Variants in SLC43A2 observed in about 807,000 individuals in gnomAD.
The protein encoded by SLC43A2 is solute carrier family 43 member 2.
In SLC43A2, 38 loss-of-function variants were observed where a neutral mutation model predicts 63.2. The ratio of observed to expected loss-of-function variants is 0.60; its 90% CI spans 0.46 to 0.79. SLC43A2 has a LOEUF of 0.79. Ranked by LOEUF, SLC43A2 falls within the 30% of genes least tolerant of loss-of-function variation. SLC43A2 has a pLI of 0.00. For missense variants in SLC43A2, 644 were observed against 756.2 expected, an observed-to-expected ratio of 0.85 and a Z score of 1.74; for synonymous variants, 322 against 331.0, an observed-to-expected ratio of 0.97 and a Z score of 0.30.
In SLC43A2 at chr17:1,627,837, C is replaced by T. The variant is rs1285987930; in HGVS notation, c.38G>A (p.Trp13Ter). 6.3e-7 allele frequency: 1 copy of T among 1,589,090 alleles called. No individual in the cohort carries two copies. The highest frequency in any genetic ancestry group is 8.6e-7 in the Non-Finnish European group (1 of 1,168,046). ...PTLATAHRRR[W>*]WMACTAVLEN... ...CAGCACGGCCGTGCAGGCCATCCAC[C>T]AGCGGCGCCGATGGGCAGTGGCCAG... Residue 13 changes from tryptophan (W) to a stop codon, truncating the protein, a stop_gained, in exon 2 of 14, where the codon TGG becomes TAG. Coordinates refer to ENST00000301335, the MANE Select transcript of SLC43A2 (RefSeq NM_152346.3). LOFTEE classifies it high-confidence loss of function.
At chr17:1,589,825 TG>T (rs1341661022) in intron 9 of SLC43A2, among the ~76,000 whole-genome samples, 2 of 152,134 alleles carry the variant, frequency 1.3e-5, no homozygotes, top group African/African-American at 2.4e-5. Context: ...TTCACAATCT[TG>T]GCCAGGCTGG....
At chr17:1,600,938 C>G (rs1414435029) in intron 5 of SLC43A2, among the ~76,000 whole-genome samples, 4 of 151,694 alleles carry the variant, frequency 2.6e-5, no homozygotes, top group African/African-American at 9.7e-5. Context: ...AACATTTTAC[C>G]CTTGAGATTT....
At chr17:1,625,991 C>T (rs1011704423) in intron 2 of SLC43A2, among the ~76,000 whole-genome samples, 3 of 130,892 alleles carry the variant, frequency 2.3e-5, no homozygotes, top group East Asian at 2.2e-4. Context: ...CAATTAAATC[C>T]GTGGACATTC....
At chr17:1,595,952 T>G (rs766337564) in intron 5 of SLC43A2, among the ~76,000 whole-genome samples, 1 of 152,202 alleles carries the variant, frequency 6.6e-6, no homozygotes, top group Non-Finnish European at 1.5e-5. Context: ...GCTGCCTGTT[T>G]TGCCCACTTT....
chr17:1,611,387 C>A (rs1429772440), intron 5 of SLC43A2, among the ~76,000 whole-genome samples: 2 of 152,130 alleles, frequency 1.3e-5, no homozygotes, highest in African/African-American at 4.8e-5. Flanking sequence ...GTCATCCCAG[C>A]ACTTTGGGAG....
intron 8 of SLC43A2, 136 bp from the exon 9 acceptor site, chr17:1,591,084 G>A: frequency 8.0e-7 from 1 of 1,247,082 alleles, no homozygotes; most frequent in Non-Finnish European, 1.1e-6. Flanking sequence ...GGTTGGCGCT[G>A]CGGTGGGGTC....
chr17:1,609,913 G>A (rs954019173), intron 5 of SLC43A2, among the ~76,000 whole-genome samples: 11 of 151,682 alleles, frequency 7.3e-5, no homozygotes, highest in African/African-American at 2.7e-4. Context: ...CAGGCTGATA[G>A]AATTTTTTTT....
intron 1 of SLC43A2, 128 bp from the exon 2 acceptor site, chr17:1,628,048 A>G (rs1908853265): frequency 1.0e-6 from 1 of 974,286 alleles, no homozygotes; most frequent in South Asian, 4.9e-5. Context: ...CGGTGCGCGC[A>G]GCAGAGGAAG....
intron 2 of SLC43A2, among the ~76,000 whole-genome samples, chr17:1,620,679 A>G (rs1395482306): frequency 1.3e-5 from 2 of 151,868 alleles, no homozygotes. Context: ...TTGTGGAGCA[A>G]TTTGAGAGTC....
At chr17:1,608,372 G>C (rs1001752280) in intron 5 of SLC43A2, among the ~76,000 whole-genome samples, 1 of 151,816 alleles carries the variant, frequency 6.6e-6, no homozygotes, top group Non-Finnish European at 1.5e-5. Flanking sequence ...GAATAGAAAC[G>C]CTCCTGCCAC....
At chr17:1,581,349 G>A (rs2076010900) in intron 11 of SLC43A2, among the ~76,000 whole-genome samples, 1 of 152,362 alleles carries the variant, frequency 6.6e-6, no homozygotes, top group South Asian at 2.1e-4. Context: ...TGGACAAGGC[G>A]GTTAGGGCAA....
intron 2 of SLC43A2, among the ~76,000 whole-genome samples, chr17:1,625,411 G>A (rs1241363853): frequency 6.6e-6 from 1 of 152,178 alleles, no homozygotes; most frequent in East Asian, 1.9e-4. Flanking sequence ...AGAGTGACAC[G>A]AAGCTGACAA....
At position 1,606,986 on chromosome 17, in the gene SLC43A2, C is replaced by T. The variant is rs895617700; in HGVS notation, c.501+6209G>A. On this transcript the variant is annotated intron_variant, in intron 5 of 13. Coordinates refer to ENST00000301335, the MANE Select transcript of SLC43A2 (RefSeq NM_152346.3). This position sits in a 1 kb window ranked among gnomAD's most constrained non-coding sequence, Gnocchi z 4.7. ...CTCATGGCCATCTCCTTCTGGACTA[C>T]AAGGAAAAGGCGTGTGCCCGCTTGG... Among the ~76,000 whole-genome samples, 4 of 152,192 alleles carry T rather than the reference C, an allele frequency of 2.6e-5. No individual in the cohort carries two copies. The highest frequency in any genetic ancestry group is 9.6e-5 in the African/African-American group (4 of 41,452).
intron 2 of SLC43A2, among the ~76,000 whole-genome samples, chr17:1,618,716 G>A (rs986981891): frequency 1.3e-5 from 2 of 152,240 alleles, no homozygotes; most frequent in Non-Finnish European, 2.9e-5. Context: ...CAGGTGTGGC[G>A]GCTCATGCCT....
At chr17:1,600,135 A>AATATATATATATAT (rs546467041) in intron 5 of SLC43A2, among the ~76,000 whole-genome samples, 50 of 47,912 alleles carry the variant, frequency 1.0e-3, no homozygotes, top group African/African-American at 3.3e-3. Context: ...ATATTAATTG[A>AATATATATATATAT]ATATATATAT....
chr17:1,594,834 C>T lies in SLC43A2; in HGVS notation c.502-1555G>A, dbSNP rs544364626. ...GGATCTCCTGACCTCGTGATCCGCC[C>T]GCCTTGGCCTCCCAAAGTGCTGGGA... On this transcript the variant is annotated intron_variant, in intron 5 of 13. Coordinates refer to ENST00000301335, the MANE Select transcript of SLC43A2 (RefSeq NM_152346.3). Among the ~76,000 whole-genome samples, 42 of 151,794 alleles carry T rather than the reference C, an allele frequency of 2.8e-4. 1 individual carries two copies. The East Asian group carries it at 5.1e-3, about 18-fold the overall frequency.
rs1317190007 is a variant in SLC43A2 at position 1,572,824 on chromosome 17, T to G, written c.*2780A>C. 6.6e-6 allele frequency: 1 copy of G among 152,234 alleles called. No homozygotes were observed. The highest frequency in any genetic ancestry group is 1.5e-5 in the Non-Finnish European group (1 of 68,062). The allele number at this position is 152,234 out of a possible 1,614,324, so 9.4% of individuals were successfully genotyped here. On this transcript the variant is annotated 3_prime_UTR_variant, in exon 14 of 14. Coordinates refer to ENST00000301335, the MANE Select transcript of SLC43A2 (RefSeq NM_152346.3). ...GAGAGTGAGGCAGCACTGCCCACTTTGGCTGGGACTGGGCACTGCTGGGGA... is the reference window on the plus strand; with the variant it reads ...GAGAGTGAGGCAGCACTGCCCACTTGGGCTGGGACTGGGCACTGCTGGGGA...
rs1025964239 is a variant in SLC43A2 at position 1,627,605 on chromosome 17, G to C, written c.160+110C>G. On this transcript the variant is annotated intron_variant, in intron 2 of 13. Coordinates refer to ENST00000301335, the MANE Select transcript of SLC43A2 (RefSeq NM_152346.3). ...ATCAGATGGGCCTTCTGATACCCTA[G>C]AGGCACTGGGCAATGCGGTGCTGTG... The C allele has an allele frequency of 9.6e-6, 9 of 939,576 alleles. No homozygotes were observed. In the African/African-American group the frequency reaches 1.4e-4, roughly 14 times the overall value. The allele number at this position is 939,576 out of a possible 1,614,324, so 58.2% of individuals were successfully genotyped here.
chr17:1,594,743 A>G (rs868447710), intron 5 of SLC43A2, among the ~76,000 whole-genome samples: 8 of 150,980 alleles, frequency 5.3e-5, no homozygotes, highest in Admixed American at 5.3e-4. Flanking sequence ...GCCCGCCACC[A>G]CACCCGGCTA....
Sources: gnomAD v4.1 joint callset for allele counts (sites outside exome capture counted in the v4.1 genomes callset) on GRCh38, gnomAD v4.1.1 for gene constraint, Gnocchi (gnomAD v3.1) non-coding constraint, MANE v1.5 for transcripts, NCBI Gene and HGNC (gene_info 2026-07-23, HGNC 2026-07-21) for gene names.